GNAL: variants seen among roughly 807,000 people sequenced by gnomAD.
The protein encoded by GNAL is G protein subunit alpha L.
In GNAL, 18 loss-of-function variants were observed where a neutral mutation model predicts 55.1. The ratio of observed to expected loss-of-function variants is 0.33; its 90% confidence interval spans 0.23 to 0.48. The LOEUF is 0.48. Among genes scored for constraint, GNAL ranks in the 20% least tolerant of loss-of-function variants. GNAL has a pLI of 0.99. For synonymous variants in GNAL, 253 were observed against 237.0 expected (o/e 1.07, Z -0.62); for missense variants, 412 against 614.1 (o/e 0.67, Z 3.48).
Position 11,885,062 on chromosome 18 carries a change from A to G in GNAL, c.*3927A>G, listed in dbSNP as rs1479202742. On this transcript the variant is annotated 3_prime_UTR_variant, in exon 12 of 12. Coordinates refer to ENST00000334049, the MANE Select transcript of GNAL (RefSeq NM_182978.4). ...CTGTTCCCTAGAAATACATGTGTCCAGGTCGTCTCCATGGGCTTTTCTTTG... is the reference window on the plus strand; with the variant it reads ...CTGTTCCCTAGAAATACATGTGTCCGGGTCGTCTCCATGGGCTTTTCTTTG... 4 of 1,289,474 alleles carry G rather than the reference A, an allele frequency of 3.1e-6. No homozygotes were observed. Among genetic ancestry groups the G allele is most frequent in the Non-Finnish European group, 4.0e-6 (4 of 989,944 alleles). The allele number at this position is 1,289,474 out of a possible 1,614,324, so 79.9% of individuals were successfully genotyped here.
intron 1 of GNAL, among the ~76,000 whole-genome samples, chr18:11,692,422 G>A (rs1002780978): frequency 1.3e-5 from 2 of 152,196 alleles, no homozygotes; most frequent in African/African-American, 2.4e-5. Context: ...CGGGCTGAGC[G>A]GTAGCAGAGC....
At chr18:11,852,748 C>T (rs2035910538) in intron 5 of GNAL, 1 of 166,546 alleles carries the variant, frequency 6.0e-6, no homozygotes, top group South Asian at 2.1e-4. Flanking sequence ...TTACTGCTTA[C>T]ATTCTATAAA....
At chr18:11,788,623 G>C (rs542396942) in intron 4 of GNAL, among the ~76,000 whole-genome samples, 1 of 152,122 alleles carries the variant, frequency 6.6e-6, no homozygotes, top group South Asian at 2.1e-4. Context: ...TGTAATACCA[G>C]CACTTTGGAA....
chr18:11,761,914 C>A (rs915832894), intron 4 of GNAL, among the ~76,000 whole-genome samples: 1 of 152,182 alleles, frequency 6.6e-6, no homozygotes, highest in Admixed American at 6.5e-5. Context: ...AATAATCTTT[C>A]TTGTTCTAAT....
chr18:11,830,282 C>CTTTTTTTTT, intron 5 of GNAL, among the ~76,000 whole-genome samples: 1 of 99,218 alleles, frequency 1.0e-5, no homozygotes, highest in Non-Finnish European at 1.8e-5. Flanking sequence ...AGAATTGCAT[C>CTTTTTTTTT]TTTTTTTTTT....
chr18:11,751,281 GAGGGGTCTC>G lies in GNAL; in HGVS notation c.377-1569_377-1561del, dbSNP rs1175699894. ...CAAGCTGCCGGCTCTGGCCCTATTG[GAGGGGTCTC>G]AGTAACGGAGGGCAGGTGCCAGTCT... On this transcript the variant is annotated intron_variant, in intron 1 of 11. Transcript: ENST00000334049. This position sits in a 1 kb window ranked among gnomAD's most constrained non-coding sequence, Gnocchi z 4.5. Among the ~76,000 whole-genome samples the G allele has an allele frequency of 6.6e-6, 1 of 152,138 alleles. No homozygotes were observed. The highest frequency in any genetic ancestry group is 1.5e-5 in the Non-Finnish European group (1 of 68,030).
chr18:11,782,767 T>G (rs59286339), intron 4 of GNAL, among the ~76,000 whole-genome samples: 9,941 of 152,272 alleles, frequency 0.065, 487 homozygotes, highest in African/African-American at 0.13. Context: ...TGGTCCACAT[T>G]AAAAAGAAAA....
rs1420022351 is a variant in GNAL, at chr18:11,864,719, GTAAGA to G, written c.851+114_851+118del. 5.6e-6 allele frequency: 4 copies of G among 717,786 alleles called. No homozygotes were observed. In the African/African-American group the frequency reaches 7.0e-5, roughly 12 times the overall value. The allele number at this position is 717,786 out of a possible 1,614,324, so 44.5% of individuals were successfully genotyped here. ...TGAATGTGCATGGCAGCCCTTTCAGGTAAGAGCAGCTGGGGTGAAATTTGAACTCT... is the reference window on the plus strand; with the variant it reads ...TGAATGTGCATGGCAGCCCTTTCAGGGCAGCTGGGGTGAAATTTGAACTCT... On this transcript the variant is annotated intron_variant, in intron 7 of 11. Transcript: ENST00000334049.
At chr18:11,750,661 G>A (rs527657156) in intron 1 of GNAL, among the ~76,000 whole-genome samples, 1 of 152,212 alleles carries the variant, frequency 6.6e-6, no homozygotes, top group South Asian at 2.1e-4. Context: ...CTTGATGAGA[G>A]TATTTTCCCT....
intron 4 of GNAL, among the ~76,000 whole-genome samples, chr18:11,821,203 GT>G (rs776954119): frequency 6.6e-5 from 10 of 152,198 alleles, no homozygotes; most frequent in Non-Finnish European, 1.0e-4. Context: ...AGGTACCCTT[GT>G]ATGAGATCCC....
chr18:11,864,467 A>G (rs1414190776), intron 6 of GNAL, 66 bp from the exon 7 acceptor site: 3 of 828,502 alleles, frequency 3.6e-6, no homozygotes. Context: ...GTATAGTTAT[A>G]CCCGGGCTTT....
At chr18:11,731,633 TG>T (rs1265512705) in intron 1 of GNAL, among the ~76,000 whole-genome samples, 2 of 152,226 alleles carry the variant, frequency 1.3e-5, no homozygotes, top group Non-Finnish European at 2.9e-5. Context: ...GATTGCCATT[TG>T]TTTTTTTATT....
At chr18:11,838,387 T>C (rs1181089130) in intron 5 of GNAL, among the ~76,000 whole-genome samples, 1 of 152,154 alleles carries the variant, frequency 6.6e-6, no homozygotes, top group Non-Finnish European at 1.5e-5. Context: ...GAATGTTGCA[T>C]GGAGCCAGGT....
At chr18:11,705,621 A>G (rs1177358390) in intron 1 of GNAL, among the ~76,000 whole-genome samples, 1 of 152,068 alleles carries the variant, frequency 6.6e-6, no homozygotes, top group Non-Finnish European at 1.5e-5. Flanking sequence ...GACACTTGCT[A>G]ACTTTTGTCT....
chr18:11,851,803 T>A, intron 5 of GNAL: 2 of 1,613,898 alleles, frequency 1.2e-6, no homozygotes, highest in Non-Finnish European at 1.7e-6. Flanking sequence ...TGTGGTTAAG[T>A]CGATGGATGC....
Position 11,884,347 on chromosome 18 carries a change from A to G in GNAL, c.*3212A>G. 17 of 1,125,982 alleles carry G rather than the reference A, an allele frequency of 1.5e-5. No homozygotes were observed. Among genetic ancestry groups the G allele is most frequent in the Non-Finnish European group, 1.8e-5 (14 of 769,110 alleles). The allele number at this position is 1,125,982 out of a possible 1,614,324, so 69.7% of individuals were successfully genotyped here. A position where few individuals can be genotyped will look rare whatever the true frequency, so the allele number is the denominator to read the frequency against. ...GAGAATTTCTGTGCTGTGCAGAGAG[A>G]CGGCCTGTAATTGGTCTCATCATCC... On this transcript the variant is annotated 3_prime_UTR_variant, in exon 12 of 12. Transcript: ENST00000334049.
chr18:11,796,180 C>T (rs559387961), intron 4 of GNAL, among the ~76,000 whole-genome samples: 19 of 152,278 alleles, frequency 1.2e-4, no homozygotes, highest in Admixed American at 2.6e-4. Flanking sequence ...TGATCCCAGG[C>T]CACCAACACC....
intron 4 of GNAL, among the ~76,000 whole-genome samples, chr18:11,770,161 T>A (rs920309455): frequency 2.6e-5 from 4 of 152,170 alleles, no homozygotes; most frequent in African/African-American, 9.6e-5. Context: ...ATAAAGTGAG[T>A]TGTACATTTT....
At position 11,855,859 on chromosome 18, in the gene GNAL, CT is replaced by C. The variant is rs1358974062; in HGVS notation, c.723-6535del. On this transcript the variant is annotated intron_variant, in intron 5 of 11. Transcript: ENST00000334049. ...TGGTGGCACATGCCTGTAATCCCAG[CT>C]ACTTGGGAGGCTGAGGCAGGAGAAT... Among the ~76,000 whole-genome samples the C allele has an allele frequency of 2.9e-3, 435 of 149,824 alleles. 2 individuals carry two copies. Among genetic ancestry groups the C allele is most frequent in the African/African-American group, 0.01 (401 of 39,242 alleles).
Sources: allele counts gnomAD v4.1 joint callset (sites outside exome capture counted in the v4.1 genomes callset), GRCh38; gene constraint gnomAD v4.1.1; non-coding constraint Gnocchi (gnomAD v3.1); transcripts MANE v1.5; gene names NCBI Gene and HGNC (gene_info 2026-07-23, HGNC 2026-07-21).